The following STIM1 variants were observed in gnomAD, a reference collection of about 807,000 sequenced individuals.
STIM1 encodes stromal interaction molecule 1.
STIM1 carries 25 observed loss-of-function variants against 74.7 expected under a neutral mutation model. The observed-to-expected ratio is 0.33, with a 90% CI of 0.24 to 0.47. The LOEUF is 0.47. Among genes scored for constraint, STIM1 ranks in the 20% least tolerant of loss-of-function variants. STIM1 has a pLI of 1.00. For synonymous variants in STIM1, 328 were observed against 348.8 expected (o/e 0.94, Z 0.66); for missense variants, 728 against 920.8 (o/e 0.79, Z 2.71).
At chr11:3,998,938 G>T (rs1000289356) in intron 2 of STIM1, among the ~76,000 whole-genome samples, 5 of 152,204 alleles carry the variant, frequency 3.3e-5, no homozygotes, top group Non-Finnish European at 7.3e-5. Context: ...AATTATTTTA[G>T]ACTTTGATAG....
At chr11:4,017,404 G>A (rs774834688) in intron 2 of STIM1, among the ~76,000 whole-genome samples, 1 of 152,222 alleles carries the variant, frequency 6.6e-6, no homozygotes, top group African/African-American at 2.4e-5. Context: ...TGTGGCACCA[G>A]TAGGGTCTGT....
At chr11:4,062,590 C>G (rs1251255387) in intron 5 of STIM1, among the ~76,000 whole-genome samples, 1 of 152,134 alleles carries the variant, frequency 6.6e-6, no homozygotes, top group Non-Finnish European at 1.5e-5. Flanking sequence ...CCACTGCACT[C>G]CAGCCTGGGT....
chr11:3,963,602 T>C (rs1270336583), intron 1 of STIM1, among the ~76,000 whole-genome samples: 1 of 152,204 alleles, frequency 6.6e-6, no homozygotes, highest in Non-Finnish European at 1.5e-5. Context: ...ATCCTACACA[T>C]AGTTGTAGAG....
In STIM1 at chr11:4,091,692, A is replaced by G; in HGVS notation, c.2045A>G (p.Lys682Arg). ...NTRIPHLAGK[K>R]AVAEEDNGSI... is the part of the protein sequence containing the mutation. ...CGCATTCCCCACCTGGCTGGCAAGAAGGCTGTGGCTGAGGAGGATAATGGC... is the reference window on the plus strand; with the variant it reads ...CGCATTCCCCACCTGGCTGGCAAGAGGGCTGTGGCTGAGGAGGATAATGGC... Residue 682 changes from lysine to arginine, a missense_variant, in exon 13 of 13, where the codon AAG becomes AGG. Lys to Arg is a conservative substitution (Grantham distance 26). Transcript: ENST00000526596. 1 of 1,614,218 alleles carries G rather than the reference A, an allele frequency of 6.2e-7. No individual in the cohort carries two copies. The highest frequency in any genetic ancestry group is 8.5e-7 in the Non-Finnish European group (1 of 1,180,036).
intron 2 of STIM1, among the ~76,000 whole-genome samples, chr11:4,015,523 T>C (rs987827648): frequency 1.4e-4 from 21 of 152,350 alleles, no homozygotes; most frequent in Admixed American, 2.0e-4. Context: ...TTATGTGTCT[T>C]GGGGTTGCTC....
chr11:4,006,634 G>C (rs149101381), intron 2 of STIM1, among the ~76,000 whole-genome samples: 1 of 152,286 alleles, frequency 6.6e-6, no homozygotes, highest in East Asian at 1.9e-4. Context: ...GGCTGGTCTT[G>C]AATTCCTGAC....
chr11:3,988,494 T>C (rs1351323982), intron 2 of STIM1, among the ~76,000 whole-genome samples: 3 of 152,216 alleles, frequency 2.0e-5, no homozygotes, highest in African/African-American at 7.2e-5. Context: ...ACTTTCCAGC[T>C]TAAAATTTGG....
chr11:3,985,034 A>G (rs1420003693), intron 2 of STIM1, among the ~76,000 whole-genome samples: 1 of 152,186 alleles, frequency 6.6e-6, no homozygotes, highest in Non-Finnish European at 1.5e-5. Context: ...TGAGCTACGT[A>G]TCAGTGAGAG....
chr11:4,006,624 G>T (rs2093784271), intron 2 of STIM1, among the ~76,000 whole-genome samples: 1 of 152,146 alleles, frequency 6.6e-6, no homozygotes, highest in Non-Finnish European at 1.5e-5. Flanking sequence ...ATGTTGGCCA[G>T]GCTGGTCTTG....
chr11:3,978,798 T>C (rs2093474439), intron 2 of STIM1, among the ~76,000 whole-genome samples: 1 of 151,874 alleles, frequency 6.6e-6, no homozygotes, highest in South Asian at 2.1e-4. Context: ...AGAAATAGAC[T>C]TGTTTTCTAT....
At chr11:3,855,649 C>G (rs1464294543), upstream of STIM1, 4 of 146,966 alleles carry the variant, frequency 2.7e-5, no homozygotes, top group African/African-American at 4.9e-5. Flanking sequence ...CGCCCCGCGC[C>G]GCCCGCCCGC....
intron 1 of STIM1, among the ~76,000 whole-genome samples, chr11:3,894,183 C>T (rs2135390432): frequency 6.6e-6 from 1 of 152,296 alleles, no homozygotes; most frequent in East Asian, 1.9e-4. Context: ...GAACCAGGAA[C>T]TATGAAGTGG....
At chr11:3,877,798 C>T (rs2091355824) in intron 1 of STIM1, among the ~76,000 whole-genome samples, 1 of 152,172 alleles carries the variant, frequency 6.6e-6, no homozygotes, top group South Asian at 2.1e-4. Flanking sequence ...TAGGATTTAT[C>T]TGTCTCCCAG....
chr11:4,014,928 T>G (rs1023164311), intron 2 of STIM1, among the ~76,000 whole-genome samples: 2 of 152,250 alleles, frequency 1.3e-5, no homozygotes, highest in Admixed American at 6.5e-5. Flanking sequence ...TCCCTTTATT[T>G]TGAGCCTATG....
chr11:4,024,503 C>T (rs1360155008), intron 3 of STIM1, among the ~76,000 whole-genome samples: 2 of 152,208 alleles, frequency 1.3e-5, no homozygotes, highest in Non-Finnish European at 2.9e-5. Context: ...AGTAGCCCTA[C>T]TTCTTGAAGA....
At chr11:3,932,863 C>A (rs1448581646) in intron 1 of STIM1, among the ~76,000 whole-genome samples, 4 of 152,082 alleles carry the variant, frequency 2.6e-5, no homozygotes, top group Non-Finnish European at 5.9e-5. Context: ...GTTGTTTAAG[C>A]TGCCCTGTCT....
intron 2 of STIM1, among the ~76,000 whole-genome samples, chr11:3,978,447 G>A (rs923428408): frequency 1.3e-5 from 2 of 149,274 alleles, no homozygotes; most frequent in African/African-American, 2.5e-5. Context: ...CACGCCCGGC[G>A]CCTGTGTACT....
At chr11:4,065,637 G>T (rs188355645) in intron 5 of STIM1, among the ~76,000 whole-genome samples, 230 of 152,252 alleles carry the variant, frequency 1.5e-3, no homozygotes, top group Non-Finnish European at 2.6e-3. Flanking sequence ...AGGAGGCTGG[G>T]CCTCTCCAGA....
At chr11:3,919,121 C>T (rs773961601) in intron 1 of STIM1, among the ~76,000 whole-genome samples, 4 of 152,122 alleles carry the variant, frequency 2.6e-5, no homozygotes, top group Admixed American at 2.0e-4. Flanking sequence ...TTGTATTTTC[C>T]TTCTAATCAG....
Sources: gnomAD v4.1 joint callset for allele counts (sites outside exome capture counted in the v4.1 genomes callset) on GRCh38, gnomAD v4.1.1 for gene constraint, MANE v1.5 for transcripts, NCBI Gene and HGNC (gene_info 2026-07-23, HGNC 2026-07-21) for gene names.